Variants in FNDC3B observed in about 807,000 individuals in gnomAD.
The protein encoded by FNDC3B is fibronectin type III domain-containing protein 3B.
FNDC3B carries 12 observed loss-of-function variants against 151.5 expected under a neutral mutation model. The observed-to-expected ratio is 0.08, with a 90% CI of 0.05 to 0.13. The LOEUF (loss-of-function observed/expected upper bound fraction) is 0.13. FNDC3B is among the 10% of genes least tolerant of loss of function. FNDC3B has a pLI of 1.00. For missense variants in FNDC3B, 1,214 were observed against 1,505.3 expected (o/e 0.81, Z 3.20); for synonymous variants, 528 against 549.0 (o/e 0.96, Z 0.54).
intron 3 of FNDC3B, among the ~76,000 whole-genome samples, chr3:172,158,559 A>G (rs1172313664): frequency 2.0e-5 from 3 of 152,040 alleles, no homozygotes; most frequent in Non-Finnish European, 4.4e-5. Context: ...TCTAGACACA[A>G]GGCCTTTTTT....
intron 7 of FNDC3B, among the ~76,000 whole-genome samples, chr3:172,289,237 C>T (rs1730188115): frequency 6.6e-6 from 1 of 152,178 alleles, no homozygotes; most frequent in Non-Finnish European, 1.5e-5. Context: ...GCAAAGTCAG[C>T]AGCCATATTC....
At chr3:172,048,853 G>A (rs184767133) in intron 1 of FNDC3B, among the ~76,000 whole-genome samples, 6 of 152,194 alleles carry the variant, frequency 3.9e-5, no homozygotes, top group Admixed American at 2.0e-4. Flanking sequence ...GAAATAAGCC[G>A]GACACAAGAA....
chr3:172,297,324 T>G (rs1229862906), intron 8 of FNDC3B, among the ~76,000 whole-genome samples: 3 of 152,180 alleles, frequency 2.0e-5, no homozygotes, highest in African/African-American at 7.2e-5. Flanking sequence ...TTGGAATAGT[T>G]TCAAACTTAT....
At chr3:172,232,195 T>C (rs1726928808) in intron 4 of FNDC3B, among the ~76,000 whole-genome samples, 1 of 152,242 alleles carries the variant, frequency 6.6e-6, no homozygotes, top group African/African-American at 2.4e-5. Context: ...TGGTCTTTAA[T>C]TGTAAGAAAA....
rs148365762 is a variant in FNDC3B at position 172,342,661 on chromosome 3, G to A, written c.1972-350G>A. The stretch of plus-strand genomic sequence containing the variant: ...CATTTTAAAATTTCATCCAGCTGTC[G>A]TTTTGTGTTCTCTTCTGTCCTCATG... On this transcript the variant is annotated intron_variant, in intron 17 of 25. Coordinates refer to ENST00000415807, the MANE Select transcript of FNDC3B (RefSeq NM_022763.4). Among the ~76,000 whole-genome samples, 72 of 152,240 alleles carry A rather than the reference G, an allele frequency of 4.7e-4. 3 individuals carry two copies. Among genetic ancestry groups the A allele is most frequent in the East Asian group, 4.0e-3 (21 of 5,186 alleles).
At chr3:172,083,578 C>T (rs1340465190) in intron 1 of FNDC3B, among the ~76,000 whole-genome samples, 1 of 152,092 alleles carries the variant, frequency 6.6e-6, no homozygotes, top group African/African-American at 2.4e-5. Flanking sequence ...ACCATCATGT[C>T]CTATAATTGG....
intron 1 of FNDC3B, among the ~76,000 whole-genome samples, chr3:172,093,771 A>C (rs948034560): frequency 7.9e-5 from 12 of 152,156 alleles, no homozygotes; most frequent in Non-Finnish European, 1.8e-4. Context: ...GTACTAAGGA[A>C]TCTTCTGGAG....
intron 6 of FNDC3B, among the ~76,000 whole-genome samples, chr3:172,272,717 CT>C (rs1729258643): frequency 6.6e-6 from 1 of 152,164 alleles, no homozygotes; most frequent in Non-Finnish European, 1.5e-5. Flanking sequence ...CTCTTAGTCT[CT>C]TTTCTCATTT....
chr3:172,203,919 G>A (rs1269287123), intron 3 of FNDC3B, among the ~76,000 whole-genome samples: 1 of 152,196 alleles, frequency 6.6e-6, no homozygotes, highest in Non-Finnish European at 1.5e-5. Context: ...GGGACCCACT[G>A]AATTGTGACT....
intron 1 of FNDC3B, among the ~76,000 whole-genome samples, chr3:172,068,510 G>C (rs951020064): frequency 7.2e-6 from 1 of 138,746 alleles, no homozygotes; most frequent in Non-Finnish European, 1.5e-5. Context: ...TGCAGCCTCC[G>C]CCACCCGGGT....
intron 9 of FNDC3B, among the ~76,000 whole-genome samples, chr3:172,303,987 T>A (rs778681149): frequency 1.3e-5 from 2 of 152,230 alleles, no homozygotes; most frequent in Non-Finnish European, 2.9e-5. Context: ...ACCCTTAGCA[T>A]AACATTGTTT....
At chr3:172,198,999 A>G (rs1389301644) in intron 3 of FNDC3B, among the ~76,000 whole-genome samples, 1 of 150,492 alleles carries the variant, frequency 6.6e-6, no homozygotes, top group Non-Finnish European at 1.5e-5. Flanking sequence ...GGTGATATTT[A>G]AATTTTTTTT....
intron 6 of FNDC3B, among the ~76,000 whole-genome samples, chr3:172,262,086 A>G (rs955312953): frequency 2.0e-5 from 3 of 152,242 alleles, no homozygotes; most frequent in Non-Finnish European, 4.4e-5. Flanking sequence ...AGGAAGTGGT[A>G]AGAACAGGAA....
intron 3 of FNDC3B, chr3:172,225,838 G>C (rs1726537406): frequency 6.4e-6 from 1 of 155,566 alleles, no homozygotes; most frequent in African/African-American, 2.4e-5. Flanking sequence ...TGAGAGTGGT[G>C]CTCTTCCTGT....
chr3:172,177,624 A>ATTT (rs1211143726), intron 3 of FNDC3B, among the ~76,000 whole-genome samples: 36 of 55,692 alleles, frequency 6.5e-4, no homozygotes, highest in African/African-American at 2.7e-3. Flanking sequence ...TTTTACCACC[A>ATTT]TCTTTTTTTT....
chr3:172,063,011 G>A (rs1161459462), intron 1 of FNDC3B, among the ~76,000 whole-genome samples: 1 of 152,236 alleles, frequency 6.6e-6, no homozygotes, highest in East Asian at 1.9e-4. Flanking sequence ...ACCATATCTT[G>A]CTCTCATAGA....
chr3:172,176,149 T>A (rs75992815), intron 3 of FNDC3B, among the ~76,000 whole-genome samples: 1 of 152,172 alleles, frequency 6.6e-6, no homozygotes, highest in East Asian at 1.9e-4. Context: ...AACTCTGAAG[T>A]ACGCATGCAT....
At chr3:172,299,723 C>G (rs780935592) in intron 9 of FNDC3B, among the ~76,000 whole-genome samples, 1 of 151,792 alleles carries the variant, frequency 6.6e-6, no homozygotes, top group Admixed American at 6.6e-5. Flanking sequence ...TAATTTACAT[C>G]ATGAGTTTCT....
intron 9 of FNDC3B, among the ~76,000 whole-genome samples, chr3:172,303,383 C>G (rs1038063822): frequency 3.3e-5 from 5 of 152,124 alleles, no homozygotes; most frequent in Admixed American, 3.3e-4. Flanking sequence ...TGCAATGAAA[C>G]ATTTCCAAAA....
Sources: gnomAD v4.1 joint callset for allele counts (sites outside exome capture counted in the v4.1 genomes callset) on GRCh38, gnomAD v4.1.1 for gene constraint, MANE v1.5 for transcripts, NCBI Gene and HGNC (gene_info 2026-07-23, HGNC 2026-07-21) for gene names.